Variants in PRDM16 observed in about 807,000 individuals in gnomAD.
The protein encoded by PRDM16 is PR/SET domain 16.
Under a neutral mutation model 110.6 loss-of-function variants are expected in PRDM16, and 23 were observed. The observed-to-expected ratio is 0.21, with a 90% CI of 0.15 to 0.29. The LOEUF (loss-of-function observed/expected upper bound fraction) is 0.29, where lower values mean the gene tolerates loss of function less well. PRDM16 is among the 10% of genes least tolerant of loss of function. PRDM16 has a pLI of 1.00. For missense variants in PRDM16, 1,615 were observed against 1,794.3 expected (o/e 0.90, Z 1.81); for synonymous variants, 799 against 781.8 (o/e 1.02, Z -0.37).
intron 3 of PRDM16, among the ~76,000 whole-genome samples, chr1:3,375,143 G>A (rs2100585583): frequency 6.6e-6 from 1 of 152,336 alleles, no homozygotes; most frequent in South Asian, 2.1e-4. Flanking sequence ...CCCCCACACT[G>A]TCACGATGAG....
At chr1:3,232,773 G>T (rs72848028) in intron 2 of PRDM16, among the ~76,000 whole-genome samples, 162 of 152,262 alleles carry the variant, frequency 1.1e-3, no homozygotes, top group African/African-American at 3.7e-3. Context: ...GATCTTGAAA[G>T]GTTTCCCAAA....
chr1:3,100,201 G>GC (rs1356481488), intron 1 of PRDM16, among the ~76,000 whole-genome samples: 1 of 152,178 alleles, frequency 6.6e-6, no homozygotes, highest in Non-Finnish European at 1.5e-5. Flanking sequence ...AGTAGAGCTT[G>GC]CCCCCTGCCC....
chr1:3,430,966 G>A lies in PRDM16; in HGVS notation c.3379G>A (p.Glu1127Lys), dbSNP rs746661891. Residue 1127 changes from glutamate (E) to lysine (K), a missense_variant, in exon 15 of 17, where the codon GAG becomes AAG. By Grantham distance (56) the Glu-to-Lys change is moderately conservative. Around this residue, in one of 5 missense-constraint regions of PRDM16, gnomAD observed 327 missense variants for 359.3 expected, o/e 0.91. Transcript: ENST00000270722. ...GGAGGAGGAGGACGACGATGACCTGGAGGAGGACGATGAGGACAGCCTGGC... is the reference window on the plus strand; with the variant it reads ...GGAGGAGGAGGACGACGATGACCTGAAGGAGGACGATGAGGACAGCCTGGC... ...DVEEEDDDDL[E>K]EDDEDSLAGK... is the part of the protein sequence containing the mutation. 6.2e-7 allele frequency: 1 copy of A among 1,612,392 alleles called. No individual in the cohort carries two copies. The highest frequency in any genetic ancestry group is 1.7e-5 in the Admixed American group (1 of 59,752).
At chr1:3,385,915 G>A (rs757495158) in intron 4 of PRDM16, among the ~76,000 whole-genome samples, 7 of 152,222 alleles carry the variant, frequency 4.6e-5, no homozygotes, top group Non-Finnish European at 8.8e-5. Context: ...GACCTCCACG[G>A]CTGGTCCACA....
intron 3 of PRDM16, among the ~76,000 whole-genome samples, chr1:3,316,517 C>T (rs769451673): frequency 2.6e-5 from 4 of 151,934 alleles, no homozygotes; most frequent in Non-Finnish European, 4.4e-5. Flanking sequence ...AAAACATAGC[C>T]GAGAAGACAG....
At position 3,255,222 on chromosome 1, in the gene PRDM16, A is replaced by T. The variant is rs1475435015; in HGVS notation, c.438+11085A>T. Among the ~76,000 whole-genome samples the T allele has an allele frequency of 6.6e-6, 1 of 152,160 alleles. No individual in the cohort carries two copies. The highest frequency in any genetic ancestry group is 2.4e-5 in the African/African-American group (1 of 41,430). ...AAAAACCCTAGAAGAAAACCTAGGC[A>T]TTACCATTCAGGACATAGGCATGGG... On this transcript the variant is annotated intron_variant, in intron 3 of 16. Transcript: ENST00000270722. This position sits in a 1 kb window ranked among gnomAD's most constrained non-coding sequence, Gnocchi z 4.7.
chr1:3,262,340 G>A (rs1640181611), intron 3 of PRDM16, among the ~76,000 whole-genome samples: 1 of 152,228 alleles, frequency 6.6e-6, no homozygotes, highest in Non-Finnish European at 1.5e-5. Context: ...ATGGGAATCT[G>A]AGGGACAGCC....
chr1:3,244,048 T>C lies in PRDM16; in HGVS notation c.388-39T>C. 6.2e-7 allele frequency: 1 copy of C among 1,606,244 alleles called. No homozygotes were observed. ...AACCCAGTGTAGCTTGAGAATGTTT[T>C]ATCAGAAACTAACAACCCCTCTCAA... On this transcript the variant is annotated intron_variant, in intron 2 of 16. Coordinates refer to ENST00000270722, the MANE Select transcript of PRDM16 (RefSeq NM_022114.4). The surrounding 1 kb of genome is among the most constrained non-coding windows in gnomAD (Gnocchi z 4.1).
intron 3 of PRDM16, among the ~76,000 whole-genome samples, chr1:3,251,735 T>C (rs1639938255): frequency 6.6e-6 from 1 of 152,198 alleles, no homozygotes; most frequent in East Asian, 1.9e-4. Context: ...GCAGGATTTA[T>C]TGGCTACATT....
At chr1:3,421,900 G>A (rs1638440519) in intron 12 of PRDM16, among the ~76,000 whole-genome samples, 1 of 150,610 alleles carries the variant, frequency 6.6e-6, no homozygotes, top group Admixed American at 6.6e-5. Flanking sequence ...AGGAAGATAG[G>A]CAGGCAAACA....
In PRDM16 at chr1:3,186,162, C is replaced by T. The variant is rs759261262; in HGVS notation, c.75C>T (p.Asn25=). Residue 25 remains asparagine (N), a synonymous_variant, in exon 2 of 17, where the codon AAC becomes AAT. Transcript: ENST00000270722. The stretch of plus-strand genomic sequence containing the variant: ...TTGTAAATAATATGTATGAGCCCAA[C>T]CGGGACCTGCTGGCCAGCCACAGCG... ...GDVVNNMYEP[N]RDLLASHSAE... 1.1e-4 allele frequency: 178 copies of T among 1,612,712 alleles called. No homozygotes were observed. The highest frequency in any genetic ancestry group is 1.4e-4 in the Non-Finnish European group (169 of 1,179,956).
At chr1:3,410,722 C>T (rs1418725173) in intron 8 of PRDM16, among the ~76,000 whole-genome samples, 1 of 152,166 alleles carries the variant, frequency 6.6e-6, no homozygotes, top group Non-Finnish European at 1.5e-5. Context: ...CAGCGTCCTG[C>T]CCCCACCCCT....
chr1:3,276,052 G>A (rs986955280), intron 3 of PRDM16, among the ~76,000 whole-genome samples: 4 of 152,216 alleles, frequency 2.6e-5, no homozygotes, highest in African/African-American at 4.8e-5. Flanking sequence ...TTTGGTCTCC[G>A]GACACCACGT....
At chr1:3,303,046 A>C (rs1001848833) in intron 3 of PRDM16, among the ~76,000 whole-genome samples, 1 of 152,206 alleles carries the variant, frequency 6.6e-6, no homozygotes, top group African/African-American at 2.4e-5. Context: ...ACACTTATAT[A>C]TATCAGCTTT....
chr1:3,409,481 C>G (rs1362077014), intron 8 of PRDM16, among the ~76,000 whole-genome samples: 2 of 152,112 alleles, frequency 1.3e-5, no homozygotes, highest in Admixed American at 1.3e-4. Context: ...AAATAGATAT[C>G]GTGATGAAAG....
intron 1 of PRDM16, among the ~76,000 whole-genome samples, chr1:3,181,341 TACAC>T (rs1220212716): frequency 1.3e-5 from 1 of 79,196 alleles, no homozygotes; most frequent in Non-Finnish European, 2.7e-5. Flanking sequence ...CAAGCAGTCT[TACAC>T]ACGGTCTTAC....
In PRDM16 at chr1:3,433,835, T is replaced by C. The variant is rs1638839130; in HGVS notation, c.*24T>C. 1 of 1,610,430 alleles carries C rather than the reference T, an allele frequency of 6.2e-7. No homozygotes were observed. The highest frequency in any genetic ancestry group is 1.3e-5 in the African/African-American group (1 of 75,034). On this transcript the variant is annotated 3_prime_UTR_variant, in exon 17 of 17. Transcript: ENST00000270722. ...GACGGGCTGGGCAGCCGGGGGCCGG[T>C]GGCCAGAGCGAGGGCACCAGCCACG... is the stretch of plus-strand genomic sequence containing the variant.
chr1:3,104,440 C>T (rs1215029466), intron 1 of PRDM16, among the ~76,000 whole-genome samples: 9 of 152,300 alleles, frequency 5.9e-5, no homozygotes, highest in Non-Finnish European at 1.0e-4. Context: ...AGAGGCTGCC[C>T]GGGGAGGGAC....
chr1:3,196,582 A>AG (rs1376204612), intron 2 of PRDM16, among the ~76,000 whole-genome samples: 2 of 152,236 alleles, frequency 1.3e-5, no homozygotes, highest in East Asian at 3.9e-4. Flanking sequence ...GTGGCACCAG[A>AG]GAGGGGTTCA....
Sources: allele counts gnomAD v4.1 joint callset (sites outside exome capture counted in the v4.1 genomes callset), GRCh38; gene constraint gnomAD v4.1.1; regional missense constraint gnomAD v4.1.1; non-coding constraint Gnocchi (gnomAD v3.1); transcripts MANE v1.5; gene names NCBI Gene and HGNC (gene_info 2026-07-23, HGNC 2026-07-21).